The following ADCY8 variants were observed in gnomAD, a reference collection of about 807,000 sequenced individuals.
ADCY8 encodes adenylate cyclase type 8.
In ADCY8, 51 loss-of-function variants were observed where a neutral mutation model predicts 119.7. That is an observed-to-expected ratio of 0.43 (90% CI 0.34 to 0.54). The LOEUF is 0.54. Ranked by LOEUF, ADCY8 falls within the 20% of genes least tolerant of loss-of-function variation. The pLI is 0.03. For synonymous variants in ADCY8, 665 were observed against 651.0 expected, an observed-to-expected ratio of 1.02 and a Z score of -0.33; for missense variants, 1,383 against 1,598.8, an observed-to-expected ratio of 0.87 and a Z score of 2.30.
intron 1 of ADCY8, among the ~76,000 whole-genome samples, chr8:131,037,428 C>T (rs1007152643): frequency 6.6e-6 from 1 of 152,172 alleles, no homozygotes; most frequent in Non-Finnish European, 1.5e-5. Flanking sequence ...TATATCTATA[C>T]TTAGAACTTT....
At chr8:130,961,678 T>A (rs1052311473) in intron 2 of ADCY8, among the ~76,000 whole-genome samples, 2 of 152,184 alleles carry the variant, frequency 1.3e-5, no homozygotes, top group African/African-American at 4.8e-5. Flanking sequence ...AGACTACAGA[T>A]GCTTGGAAGA....
At chr8:130,938,180 A>G (rs1820846529) in intron 4 of ADCY8, among the ~76,000 whole-genome samples, 1 of 152,052 alleles carries the variant, frequency 6.6e-6, no homozygotes, top group African/African-American at 2.4e-5. Context: ...CTTTGGGTAA[A>G]CTACCTAACC....
At chr8:130,882,681 A>C (rs1319140030) in intron 8 of ADCY8, among the ~76,000 whole-genome samples, 2 of 152,212 alleles carry the variant, frequency 1.3e-5, no homozygotes, top group African/African-American at 4.8e-5. Flanking sequence ...AATGAAGCTC[A>C]TAATAACATC....
In ADCY8 at chr8:130,859,597, A is replaced by G. The variant is rs118093055; in HGVS notation, c.2210+8249T>C. 3.7e-4 allele frequency among the ~76,000 whole-genome samples: 56 copies of G among 152,328 alleles called. 1 individual carries two copies. The East Asian group carries it at 8.3e-3, about 23-fold the overall frequency. On this transcript the variant is annotated intron_variant, in intron 9 of 17. Transcript: ENST00000286355. Reference sequence around the variant, plus strand: ...TGCTTCATACACTTTTAATACAGTTAGATTCTTTTGTCACAGTCTGATTCC... The same window carrying G: ...TGCTTCATACACTTTTAATACAGTTGGATTCTTTTGTCACAGTCTGATTCC...
chr8:130,935,772 T>A (rs1223205052), intron 5 of ADCY8, among the ~76,000 whole-genome samples: 5 of 152,244 alleles, frequency 3.3e-5, no homozygotes, highest in African/African-American at 1.2e-4. Context: ...TGGGAGAATA[T>A]GACGTTTGCT....
chr8:130,909,517 C>T (rs1819907750), intron 6 of ADCY8, among the ~76,000 whole-genome samples, 191 bp downstream of exon 6: 1 of 152,198 alleles, frequency 6.6e-6, no homozygotes, highest in African/African-American at 2.4e-5. Context: ...TGTTATTCCA[C>T]ATCCTTGTTG....
intron 2 of ADCY8, among the ~76,000 whole-genome samples, chr8:130,965,850 C>A (rs1220771033): frequency 6.6e-6 from 1 of 151,956 alleles, no homozygotes; most frequent in Non-Finnish European, 1.5e-5. Flanking sequence ...TTCAATTAAC[C>A]AAGCAACAGC....
In ADCY8 at chr8:130,932,828, C is replaced by A. The variant is rs571726888; in HGVS notation, c.1481+4245G>T. Among the ~76,000 whole-genome samples the A allele has an allele frequency of 3.3e-5, 5 of 152,308 alleles. No homozygotes were observed. In the South Asian group the frequency reaches 1.0e-3, roughly 32 times the overall value. The stretch of plus-strand genomic sequence containing the variant: ...ACCCTGGCCTTTCGTGATATTGGCA[C>A]CCTATCCTACCCATATCTATGGTTG... On this transcript the variant is annotated intron_variant, in intron 5 of 17. Coordinates refer to ENST00000286355, the MANE Select transcript of ADCY8 (RefSeq NM_001115.3).
chr8:131,030,035 G>T (rs377119384), intron 1 of ADCY8, among the ~76,000 whole-genome samples: 2 of 152,168 alleles, frequency 1.3e-5, no homozygotes, highest in East Asian at 3.8e-4. Flanking sequence ...CTCATAGTCT[G>T]GTGGGCATGT....
At chr8:130,827,181 G>A (rs1224568090) in intron 12 of ADCY8, among the ~76,000 whole-genome samples, 1 of 152,140 alleles carries the variant, frequency 6.6e-6, no homozygotes, top group African/African-American at 2.4e-5. Context: ...GATAGTGAGG[G>A]TATGGAAGTC....
At chr8:130,851,682 G>T (rs1817534591) in intron 9 of ADCY8, among the ~76,000 whole-genome samples, 1 of 152,180 alleles carries the variant, frequency 6.6e-6, no homozygotes, top group Non-Finnish European at 1.5e-5. Context: ...ATTGGGGGGT[G>T]CAGGGAAAGA....
intron 1 of ADCY8, among the ~76,000 whole-genome samples, chr8:130,991,807 A>C (rs1424746771): frequency 6.6e-6 from 1 of 152,212 alleles, no homozygotes; most frequent in African/African-American, 2.4e-5. Context: ...TAGTTCTTAC[A>C]ACTTTGCTCA....
intron 12 of ADCY8, among the ~76,000 whole-genome samples, chr8:130,823,870 C>T (rs1816593053): frequency 6.6e-6 from 1 of 152,166 alleles, no homozygotes; most frequent in South Asian, 2.1e-4. Flanking sequence ...GCATAGCTCT[C>T]ATACTGTTTC....
chr8:130,975,807 C>G lies in ADCY8; in HGVS notation c.1110+14586G>C, dbSNP rs917917489. Among the ~76,000 whole-genome samples the G allele has an allele frequency of 3.3e-5, 5 of 152,152 alleles. 1 individual carries two copies. Among genetic ancestry groups the G allele is most frequent in the African/African-American group, 1.2e-4 (5 of 41,442 alleles). ...TACAGTTAACAGTCTCTCAGAAATT[C>G]TTCTGCTGAAAGAATTCTAACATTG... is the stretch of plus-strand genomic sequence containing the variant. On this transcript the variant is annotated intron_variant, in intron 2 of 17. Transcript: ENST00000286355.
chr8:130,919,950 T>C (rs1360445744), intron 5 of ADCY8, among the ~76,000 whole-genome samples: 1 of 151,982 alleles, frequency 6.6e-6, no homozygotes, highest in Non-Finnish European at 1.5e-5. Flanking sequence ...CCCCATTTCC[T>C]CAGGAAGAAA....
At chr8:130,832,341 G>A (rs1176201666) in intron 12 of ADCY8, among the ~76,000 whole-genome samples, 1 of 152,196 alleles carries the variant, frequency 6.6e-6, no homozygotes, top group Non-Finnish European at 1.5e-5. Flanking sequence ...ATGCGGCCAG[G>A]TTGTTGTGTC....
intron 1 of ADCY8, among the ~76,000 whole-genome samples, chr8:131,012,787 G>A (rs578053718): frequency 1.1e-4 from 16 of 152,300 alleles, no homozygotes; most frequent in African/African-American, 3.4e-4. Context: ...AGAACTCTCC[G>A]AAGTGTTGAC....
intron 9 of ADCY8, among the ~76,000 whole-genome samples, chr8:130,858,623 G>A (rs1817825060): frequency 6.6e-6 from 1 of 152,116 alleles, no homozygotes; most frequent in African/African-American, 2.4e-5. Context: ...CTCTTTGGAA[G>A]AAAGTCACTT....
At chr8:130,784,186 G>C (rs1815178159) in intron 16 of ADCY8, among the ~76,000 whole-genome samples, 1 of 151,906 alleles carries the variant, frequency 6.6e-6, no homozygotes, top group Non-Finnish European at 1.5e-5. Context: ...GTGGGTATGG[G>C]TATGTGTGTG....
Sources: allele counts gnomAD v4.1 joint callset (sites outside exome capture counted in the v4.1 genomes callset), GRCh38; gene constraint gnomAD v4.1.1; transcripts MANE v1.5; gene names NCBI Gene and HGNC (gene_info 2026-07-23, HGNC 2026-07-21).